STK39: variants seen among roughly 807,000 people sequenced by gnomAD.
STK39 encodes serine/threonine kinase 39, also known as STE20/SPS1-related proline-alanine-rich protein kinase.
STK39 carries 20 observed loss-of-function variants against 77.8 expected under a neutral mutation model. That is an observed-to-expected ratio of 0.26 (90% CI 0.18 to 0.37). STK39 has a LOEUF of 0.37. Among genes scored for constraint, STK39 ranks in the 10% least tolerant of loss-of-function variants. STK39 has a pLI of 1.00. For missense variants in STK39, 479 were observed against 656.5 expected (o/e 0.73, Z 2.95); for synonymous variants, 246 against 234.1 (o/e 1.05, Z -0.47).
chr2:168,064,765 C>T (rs185901294), intron 13 of STK39, among the ~76,000 whole-genome samples: 10 of 152,222 alleles, frequency 6.6e-5, no homozygotes, highest in African/African-American at 2.4e-4. Flanking sequence ...CAGGCCTGTG[C>T]TCTGGTTCTA....
rs1689096934 is a variant in STK39 at position 168,182,144 on chromosome 2, T to A, written c.209-54A>T. 33 of 1,420,658 alleles carry A rather than the reference T, an allele frequency of 2.3e-5. No homozygotes were observed. The South Asian group carries it at 3.8e-4, about 16-fold the overall frequency. 88.0% of individuals were successfully genotyped at this position (1,420,658 alleles called of 1,614,324 possible). A position where few individuals can be genotyped will look rare whatever the true frequency, so the allele number is the denominator to read the frequency against. On this transcript the variant is annotated intron_variant, in intron 1 of 17. Coordinates refer to ENST00000355999, the MANE Select transcript of STK39 (RefSeq NM_013233.3). ...ATCAAATGGCACACTGTGAGGTTAC[T>A]ATCTGTAACTATTTTCCTAAAGATC...
intron 16 of STK39, among the ~76,000 whole-genome samples, chr2:167,977,899 T>C (rs1683322117): frequency 6.6e-6 from 1 of 152,220 alleles, no homozygotes; most frequent in South Asian, 2.1e-4. Context: ...ATCAGTCTCC[T>C]ACAGCATTTG....
chr2:168,241,710 T>A (rs1690763496), intron 1 of STK39, among the ~76,000 whole-genome samples: 1 of 152,250 alleles, frequency 6.6e-6, no homozygotes, highest in South Asian at 2.1e-4. Context: ...AAGATAGGAC[T>A]GTGTTCTCTC....
Position 168,247,544 on chromosome 2 carries a change from C to CCCG in STK39, c.-112_-110dup, listed in dbSNP as rs571309687. The CCCG allele has an allele frequency of 0.047, 22,347 of 478,274 alleles. 726 individuals are homozygous for CCCG. Among genetic ancestry groups the CCCG allele is most frequent in the African/African-American group, 0.11 (5,190 of 47,672 alleles). 29.6% of individuals were successfully genotyped at this position (478,274 alleles called of 1,614,324 possible). A position where few individuals can be genotyped will look rare whatever the true frequency, so the allele number is the denominator to read the frequency against. ...TCTCGGCCGGCGCACGCCCTCCCCG[C>CCCG]CCGCCGCCGCCGCCGCCGTCCCCGC... On this transcript the variant is annotated 5_prime_UTR_variant, in exon 1 of 18. Transcript: ENST00000355999.
intron 8 of STK39, among the ~76,000 whole-genome samples, chr2:168,130,387 C>T (rs989071952): frequency 6.6e-6 from 1 of 152,200 alleles, no homozygotes; most frequent in Non-Finnish European, 1.5e-5. Context: ...TTCCTGTAAA[C>T]TCTAAGTGAG....
At chr2:168,221,031 T>A (rs1690155561) in intron 1 of STK39, among the ~76,000 whole-genome samples, 2 of 152,168 alleles carry the variant, frequency 1.3e-5, no homozygotes, top group Admixed American at 1.3e-4. Flanking sequence ...AGTAATTCAT[T>A]TACTTGGTTA....
rs550410662 is a variant in STK39, at chr2:168,194,016, G to A, written c.209-11926C>T. On this transcript the variant is annotated intron_variant, in intron 1 of 17. Coordinates refer to ENST00000355999, the MANE Select transcript of STK39 (RefSeq NM_013233.3). ...AGATGCCTCGGCGTCAGGGACAAGA[G>A]GTGCCAGCCTGGGAAGGGTCTCGCC... Among the ~76,000 whole-genome samples, 6 of 152,320 alleles carry A rather than the reference G, an allele frequency of 3.9e-5. No individual in the cohort carries two copies. The South Asian group carries it at 1.0e-3, about 26-fold the overall frequency.
Position 168,138,227 on chromosome 2 carries a change from G to A in STK39, c.841-6C>T. On this transcript the variant is annotated splice_polypyrimidine_tract_variant and splice_region_variant and intron_variant, in intron 7 of 17. Transcript: ENST00000355999. ...TGCAAAGTCAACATTAACACCTGCA[G>A]CAGAAACAAACATGAAGACAGAATC... The A allele has an allele frequency of 6.2e-7, 1 of 1,609,174 alleles. No individual in the cohort carries two copies.
intron 1 of STK39, among the ~76,000 whole-genome samples, chr2:168,215,205 T>A (rs1360246897): frequency 6.6e-6 from 1 of 152,134 alleles, no homozygotes; most frequent in African/African-American, 2.4e-5. Context: ...ATAGCCAGAC[T>A]GCTCCCACAA....
At chr2:168,021,265 A>G (rs1684564173) in intron 14 of STK39, among the ~76,000 whole-genome samples, 1 of 152,210 alleles carries the variant, frequency 6.6e-6, no homozygotes, top group African/African-American at 2.4e-5. Flanking sequence ...TCCAACACCC[A>G]TAATCTCTGC....
intron 16 of STK39, among the ~76,000 whole-genome samples, chr2:168,005,699 CGTCTTGAGGTGG>C (rs1444004162): frequency 6.6e-6 from 1 of 152,140 alleles, no homozygotes; most frequent in Non-Finnish European, 1.5e-5. Context: ...GAAAGCCATA[CGTCTTGAGGTGG>C]TAAAAACATG....
At chr2:167,974,647 A>G (rs1339208853) in intron 16 of STK39, among the ~76,000 whole-genome samples, 1 of 151,394 alleles carries the variant, frequency 6.6e-6, no homozygotes, top group Non-Finnish European at 1.5e-5. Flanking sequence ...TAAATTTGTC[A>G]ACTGTGTTTT....
chr2:168,146,632 A>G (rs2105546669), intron 5 of STK39, among the ~76,000 whole-genome samples: 1 of 152,334 alleles, frequency 6.6e-6, no homozygotes, highest in East Asian at 1.9e-4. Flanking sequence ...TGAGGGGCCC[A>G]ACCAACCACA....
chr2:168,021,840 C>A (rs7559303), intron 14 of STK39, among the ~76,000 whole-genome samples: 4,083 of 150,294 alleles, frequency 0.027, 181 homozygotes, highest in African/African-American at 0.095. Flanking sequence ...TTAAAAGGTA[C>A]AATAGGGCAT....
chr2:168,166,494 A>G (rs1475061268), intron 3 of STK39, among the ~76,000 whole-genome samples: 1 of 152,204 alleles, frequency 6.6e-6, no homozygotes, highest in East Asian at 1.9e-4. Context: ...GCCATTTCTG[A>G]TCAACACTGC....
chr2:168,178,522 AG>A (rs1400161012), intron 2 of STK39, among the ~76,000 whole-genome samples: 1 of 152,216 alleles, frequency 6.6e-6, no homozygotes, highest in Non-Finnish European at 1.5e-5. Context: ...CACACCCAAA[AG>A]TCATCCTTTT....
chr2:167,979,214 C>T (rs1423180657), intron 16 of STK39, among the ~76,000 whole-genome samples: 2 of 152,136 alleles, frequency 1.3e-5, no homozygotes, highest in East Asian at 3.9e-4. Flanking sequence ...GGCTGGATCA[C>T]ATGATAGAAG....
rs1690973857 is a variant in STK39 at position 168,247,565 on chromosome 2, C to CGCCGCCG, written c.-131_-130insCGGCGGC. ...CCCGCCCGCCGCCGCCGCCGCCGTC[C>CGCCGCCG]CCGCCGAAGCCAGCTAGGAGGGGAG... On this transcript the variant is annotated 5_prime_UTR_variant, in exon 1 of 18. Transcript: ENST00000355999. The CGCCGCCG allele has an allele frequency of 5.5e-4, 78 of 142,212 alleles. No individual in the cohort carries two copies. Among genetic ancestry groups the CGCCGCCG allele is most frequent in the Middle Eastern group, 2.6e-3 (1 of 380 alleles). The allele number at this position is 142,212 out of a possible 1,614,324, so 8.8% of individuals were successfully genotyped here. A position where few individuals can be genotyped will look rare whatever the true frequency, so the allele number is the denominator to read the frequency against.
chr2:168,156,941 CT>C lies in STK39; in HGVS notation c.628+4845del, dbSNP rs1688443803. On this transcript the variant is annotated intron_variant, in intron 5 of 17. Transcript: ENST00000355999. ...CTTCCCTACAACACAAAAAATAACT[CT>C]TAAACCCCTACCCTCCCCATCAAAG... 2.0e-5 allele frequency among the ~76,000 whole-genome samples: 3 copies of C among 152,328 alleles called. No individual in the cohort carries two copies. The South Asian group carries it at 6.2e-4, about 32-fold the overall frequency.
Sources: allele counts gnomAD v4.1 joint callset (sites outside exome capture counted in the v4.1 genomes callset), GRCh38; gene constraint gnomAD v4.1.1; transcripts MANE v1.5; gene names NCBI Gene and HGNC (gene_info 2026-07-23, HGNC 2026-07-21).